RASA3: variants seen among roughly 807,000 people sequenced by gnomAD.
The protein encoded by RASA3 is ras GTPase-activating protein 3.
A neutral mutation model predicts 110.0 loss-of-function variants in RASA3; 73 were observed. That is an observed-to-expected ratio of 0.66 (90% confidence interval 0.55 to 0.81). The LOEUF (loss-of-function observed/expected upper bound fraction) is 0.81, where lower values mean the gene tolerates loss of function less well. Ranked by LOEUF, RASA3 falls within the 30% of genes least tolerant of loss-of-function variation. The pLI is 0.00. For synonymous variants in RASA3, 500 were observed against 451.4 expected (o/e 1.11, Z -1.37); for missense variants, 976 against 1,113.2 (o/e 0.88, Z 1.75).
intron 1 of RASA3, among the ~76,000 whole-genome samples, chr13:114,101,282 G>A (rs1275385588): frequency 6.6e-6 from 1 of 152,188 alleles, no homozygotes; most frequent in Non-Finnish European, 1.5e-5. Flanking sequence ...CAGACCCCTG[G>A]GCCATGTGCT....
intron 1 of RASA3, among the ~76,000 whole-genome samples, chr13:114,104,438 C>T (rs1594460617): frequency 6.6e-6 from 1 of 152,170 alleles, no homozygotes; most frequent in Non-Finnish European, 1.5e-5. Flanking sequence ...GAGGCTCAGT[C>T]CACAGCCCAT....
intron 13 of RASA3, 87 bp from the exon 14 acceptor site, chr13:114,015,419 G>GGGGAGGGGCTGA: frequency 6.4e-7 from 1 of 1,555,714 alleles, no homozygotes; most frequent in South Asian, 1.1e-5. Flanking sequence ...AGGGGCGCGT[G>GGGGAGGGGCTGA]GGGAGGGGCT....
At chr13:113,982,568 C>G (rs1372170436) in intron 22 of RASA3, among the ~76,000 whole-genome samples, 1 of 152,254 alleles carries the variant, frequency 6.6e-6, no homozygotes, top group Non-Finnish European at 1.5e-5. Flanking sequence ...AGTCCAAACA[C>G]CTGAACCAGG....
intron 1 of RASA3, among the ~76,000 whole-genome samples, chr13:114,080,240 G>T (rs557725230): frequency 4.6e-5 from 7 of 152,192 alleles, no homozygotes; most frequent in Non-Finnish European, 8.8e-5. Context: ...AGCCCAGGCT[G>T]CCATCCTCAA....
At position 114,115,088 on chromosome 13, in the gene RASA3, C is replaced by G. The variant is rs1304922148; in HGVS notation, c.55+17347G>C. 6.6e-6 allele frequency among the ~76,000 whole-genome samples: 1 copy of G among 152,164 alleles called. No homozygotes were observed. The highest frequency in any genetic ancestry group is 2.4e-5 in the African/African-American group (1 of 41,434). On this transcript the variant is annotated intron_variant, in intron 1 of 23. Coordinates refer to ENST00000334062, the MANE Select transcript of RASA3 (RefSeq NM_007368.4). The surrounding 1 kb of genome is among the most constrained non-coding windows in gnomAD (Gnocchi z 5.0). ...CCCAGCTGTGAGATGCTGCAGGTCC[C>G]GGCAGGAGAAGGCTTCTCCACAGAG... is the stretch of plus-strand genomic sequence containing the variant.
intron 21 of RASA3, among the ~76,000 whole-genome samples, 189 bp from the exon 22 acceptor site, chr13:113,992,777 G>A (rs1356935208): frequency 6.6e-6 from 1 of 152,232 alleles, no homozygotes; most frequent in Non-Finnish European, 1.5e-5. Flanking sequence ...GGCTGACAGC[G>A]TCCACAGCAG....
At chr13:114,097,349 G>A (rs1397536830) in intron 1 of RASA3, among the ~76,000 whole-genome samples, 1 of 152,208 alleles carries the variant, frequency 6.6e-6, no homozygotes, top group African/African-American at 2.4e-5. Flanking sequence ...CAACCTGCCC[G>A]GCTATGCTGT....
At chr13:114,082,692 G>A (rs760578576) in intron 1 of RASA3, among the ~76,000 whole-genome samples, 5 of 152,160 alleles carry the variant, frequency 3.3e-5, no homozygotes, top group East Asian at 1.9e-4. Flanking sequence ...CCCAAGCAAC[G>A]TTTAGTTCAC....
intron 7 of RASA3, 33 bp from the exon 8 acceptor site, chr13:114,024,388 C>T (rs768266310): frequency 6.9e-6 from 11 of 1,602,536 alleles, no homozygotes; most frequent in East Asian, 2.2e-5. Flanking sequence ...GCGCTGAGAC[C>T]GCGGTGCCAC....
At chr13:114,003,977 G>T (rs1269966556) in intron 18 of RASA3, among the ~76,000 whole-genome samples, 1 of 152,168 alleles carries the variant, frequency 6.6e-6, no homozygotes, top group Non-Finnish European at 1.5e-5. Flanking sequence ...CTCGCTGAAA[G>T]AACTTTTTGT....
At chr13:114,082,104 C>T (rs1038418992) in intron 1 of RASA3, among the ~76,000 whole-genome samples, 3 of 152,236 alleles carry the variant, frequency 2.0e-5, no homozygotes, top group African/African-American at 7.2e-5. Flanking sequence ...GTTCTGGGTG[C>T]AGCCAGGACT....
intron 1 of RASA3, among the ~76,000 whole-genome samples, chr13:114,116,933 T>A (rs1435522635): frequency 1.2e-5 from 1 of 81,704 alleles, no homozygotes; most frequent in African/African-American, 5.3e-5. Context: ...AGCACGTGTG[T>A]GAGGGGAGCA....
chr13:114,026,176 GA>G (rs2054021935), intron 7 of RASA3, among the ~76,000 whole-genome samples: 1 of 152,256 alleles, frequency 6.6e-6, no homozygotes. Flanking sequence ...CTGCAAGCGT[GA>G]TGAGCACCCG....
At chr13:114,082,168 C>T (rs1439166119) in intron 1 of RASA3, among the ~76,000 whole-genome samples, 2 of 152,236 alleles carry the variant, frequency 1.3e-5, no homozygotes, top group South Asian at 4.1e-4. Context: ...GCCCCTACCT[C>T]CTCGCCCCAC....
At chr13:114,064,340 C>T (rs1467162007) in intron 2 of RASA3, among the ~76,000 whole-genome samples, 1 of 152,226 alleles carries the variant, frequency 6.6e-6, no homozygotes, top group Non-Finnish European at 1.5e-5. Context: ...GTGGCCACAG[C>T]ACCATCACTG....
At chr13:114,026,703 A>G (rs1031044258) in intron 7 of RASA3, among the ~76,000 whole-genome samples, 2 of 152,202 alleles carry the variant, frequency 1.3e-5, no homozygotes, top group Non-Finnish European at 2.9e-5. Context: ...CAGAGGCCTC[A>G]TCCATCCTCA....
intron 21 of RASA3, among the ~76,000 whole-genome samples, chr13:113,995,488 C>T (rs2053210956): frequency 6.6e-6 from 1 of 152,268 alleles, no homozygotes; most frequent in Non-Finnish European, 1.5e-5. Context: ...GCCACAACAA[C>T]AGCGAGGTGC....
At chr13:114,058,358 G>T (rs1365021617) in intron 2 of RASA3, among the ~76,000 whole-genome samples, 1 of 152,204 alleles carries the variant, frequency 6.6e-6, no homozygotes, top group East Asian at 1.9e-4. Context: ...CACTCACGTT[G>T]TCTGCACACC....
chr13:114,010,202 AGCGGGCT>A (rs1470140398), intron 16 of RASA3, among the ~76,000 whole-genome samples: 1 of 152,096 alleles, frequency 6.6e-6, no homozygotes, highest in East Asian at 1.9e-4. Flanking sequence ...GTTTGCCCCA[AGCGGGCT>A]GCTCCTCCAG....
Sources: allele counts gnomAD v4.1 joint callset (sites outside exome capture counted in the v4.1 genomes callset), GRCh38; gene constraint gnomAD v4.1.1; non-coding constraint Gnocchi (gnomAD v3.1); transcripts MANE v1.5; gene names NCBI Gene and HGNC (gene_info 2026-07-23, HGNC 2026-07-21).